PIAS2: variants seen among roughly 807,000 people sequenced by gnomAD.
PIAS2 encodes E3 SUMO-protein ligase PIAS2.
A neutral mutation model predicts 69.7 loss-of-function variants in PIAS2; 19 were observed. The ratio of observed to expected loss-of-function variants is 0.27; its 90% CI spans 0.19 to 0.40. PIAS2 has a LOEUF of 0.40. Among genes scored for constraint, PIAS2 ranks in the 10% least tolerant of loss-of-function variants. The pLI is 1.00. For synonymous variants in PIAS2, 261 were observed against 263.2 expected (o/e 0.99, Z 0.08); for missense variants, 624 against 757.0 (o/e 0.82, Z 2.06).
At position 46,865,754 on chromosome 18, in the gene PIAS2, T is replaced by C. The variant is rs546962574; in HGVS notation, c.500-1506A>G. On this transcript the variant is annotated intron_variant, in intron 2 of 13. Coordinates refer to ENST00000585916, the MANE Select transcript of PIAS2 (RefSeq NM_004671.5). ...ATGTCACAAAATGGTTCATATTTTT[T>C]CAGAACGCTTTAAAAAGGAGGGAAG... Among the ~76,000 whole-genome samples, 60 of 152,312 alleles carry C rather than the reference T, an allele frequency of 3.9e-4. 1 individual carries two copies. Among genetic ancestry groups the C allele is most frequent in the African/African-American group, 1.4e-3 (59 of 41,576 alleles).
intron 2 of PIAS2, among the ~76,000 whole-genome samples, chr18:46,886,272 GAATAATAGAAAGT>G (rs1298421942): frequency 6.6e-6 from 1 of 151,988 alleles, no homozygotes; most frequent in African/African-American, 2.4e-5. Flanking sequence ...ATCTTTCTCA[GAATAATAGAAAGT>G]AATAAATTTG....
intron 1 of PIAS2, among the ~76,000 whole-genome samples, chr18:46,911,547 A>C (rs1033295830): frequency 1.3e-5 from 2 of 152,116 alleles, no homozygotes; most frequent in African/African-American, 4.8e-5. Context: ...TAAGGATCAC[A>C]GGTTTAACAG....
In PIAS2 at chr18:46,908,570, A is replaced by G. The variant is rs1342145945; in HGVS notation, c.24+8752T>C. Among the ~76,000 whole-genome samples the G allele has an allele frequency of 2.0e-5, 3 of 152,306 alleles. No homozygotes were observed. The East Asian group carries it at 5.8e-4, about 29-fold the overall frequency. On this transcript the variant is annotated intron_variant, in intron 1 of 13. Transcript: ENST00000585916. Reference sequence around the variant, plus strand: ...AAAAAAACAAAAACAAAAAACAAAAAAACTACGTCTTATACTTTTACAATA... The same window carrying G: ...AAAAAAACAAAAACAAAAAACAAAAGAACTACGTCTTATACTTTTACAATA...
intron 8 of PIAS2, among the ~76,000 whole-genome samples, chr18:46,839,218 C>A (rs541234031): frequency 1.6e-4 from 25 of 152,158 alleles, no homozygotes; most frequent in African/African-American, 5.8e-4. Flanking sequence ...ACCTATTCAA[C>A]AAAATGCCCA....
At chr18:46,857,427 G>T (rs2048004532) in intron 3 of PIAS2, among the ~76,000 whole-genome samples, 1 of 152,162 alleles carries the variant, frequency 6.6e-6, no homozygotes, top group African/African-American at 2.4e-5. Flanking sequence ...AAAGTTCAAG[G>T]TCATTATCAC....
intron 1 of PIAS2, among the ~76,000 whole-genome samples, chr18:46,899,560 T>C (rs1253981982): frequency 6.6e-6 from 1 of 152,200 alleles, no homozygotes; most frequent in Non-Finnish European, 1.5e-5. Flanking sequence ...CTCAACCTCC[T>C]GAGCTCAAGT....
chr18:46,830,356 C>T (rs193289393), intron 9 of PIAS2, among the ~76,000 whole-genome samples: 8 of 151,754 alleles, frequency 5.3e-5, no homozygotes, highest in African/African-American at 9.7e-5. Context: ...AAATTAAGTC[C>T]GTACCAGAAA....
chr18:46,846,960 A>AAT, intron 5 of PIAS2, 119 bp from the exon 6 acceptor site: 2 of 815,746 alleles, frequency 2.5e-6, no homozygotes, highest in Non-Finnish European at 1.7e-6. Context: ...TTTAGCCTAA[A>AAT]AATCATATAG....
intron 13 of PIAS2, among the ~76,000 whole-genome samples, chr18:46,812,984 G>T (rs898053528): frequency 6.6e-6 from 1 of 151,996 alleles, no homozygotes; most frequent in Admixed American, 6.5e-5. Context: ...AAGAATTGTT[G>T]ATCTTACACC....
At chr18:46,892,854 GCAAT>G (rs2146021756) in intron 1 of PIAS2, among the ~76,000 whole-genome samples, 1 of 151,806 alleles carries the variant, frequency 6.6e-6, no homozygotes, top group Non-Finnish European at 1.5e-5. Context: ...ATCTCAACAT[GCAAT>G]CAATTTTTGT....
chr18:46,818,525 A>G (rs2041816499), intron 12 of PIAS2: 3 of 1,255,804 alleles, frequency 2.4e-6, no homozygotes, highest in South Asian at 2.3e-5. Flanking sequence ...TTATCTCTCC[A>G]TTCTTGGTGT....
chr18:46,812,709 T>G, intron 13 of PIAS2, 97 bp from the exon 14 acceptor site: 1 of 678,018 alleles, frequency 1.5e-6, no homozygotes, highest in Non-Finnish European at 2.5e-6. Flanking sequence ...AATAGTCACA[T>G]ATTTAAATCC....
chr18:46,828,820 T>C (rs1387909776), intron 10 of PIAS2, among the ~76,000 whole-genome samples: 1 of 152,204 alleles, frequency 6.6e-6, no homozygotes, highest in African/African-American at 2.4e-5. Flanking sequence ...TATGTTATTA[T>C]CTGTAATGTA....
intron 3 of PIAS2, among the ~76,000 whole-genome samples, chr18:46,861,290 C>T (rs778331343): frequency 6.6e-6 from 1 of 152,084 alleles, no homozygotes; most frequent in Admixed American, 6.6e-5. Flanking sequence ...GAAAAGGAGA[C>T]AGCTCCTCCT....
chr18:46,908,309 G>A (rs1178270521), intron 1 of PIAS2, among the ~76,000 whole-genome samples: 1 of 152,082 alleles, frequency 6.6e-6, no homozygotes, highest in Non-Finnish European at 1.5e-5. Context: ...GCATCATCTT[G>A]TTTTAGTTAC....
intron 8 of PIAS2, among the ~76,000 whole-genome samples, chr18:46,841,839 G>A (rs1013262677): frequency 6.6e-6 from 1 of 152,154 alleles, no homozygotes; most frequent in Non-Finnish European, 1.5e-5. Flanking sequence ...TAACTGAAAA[G>A]TTAATTTTCT....
intron 8 of PIAS2, among the ~76,000 whole-genome samples, chr18:46,838,496 A>C (rs1387440723): frequency 6.6e-6 from 1 of 152,170 alleles, no homozygotes; most frequent in Non-Finnish European, 1.5e-5. Context: ...CAGAGTTCTA[A>C]AAGGGAGCCT....
At position 46,843,962 on chromosome 18, in the gene PIAS2, A is replaced by G. The variant is rs77040088; in HGVS notation, c.1041+92T>C. On this transcript the variant is annotated intron_variant, in intron 8 of 13. Transcript: ENST00000585916. Reference sequence around the variant, plus strand: ...AAGACAAAAGTTCAGCATTCTTCATAATATATCATTCATTCCCACACTTAC... The same window carrying G: ...AAGACAAAAGTTCAGCATTCTTCATGATATATCATTCATTCCCACACTTAC... 695 of 702,810 alleles carry G rather than the reference A, an allele frequency of 9.9e-4. 8 individuals are homozygous for G. In the East Asian group the frequency reaches 0.018, roughly 18 times the overall value. The allele number at this position is 702,810 out of a possible 1,614,324, so 43.5% of individuals were successfully genotyped here. A position where few individuals can be genotyped will look rare whatever the true frequency, so the allele number is the denominator to read the frequency against.
intron 2 of PIAS2, among the ~76,000 whole-genome samples, chr18:46,868,855 G>A (rs536421021): frequency 6.6e-6 from 1 of 152,252 alleles, no homozygotes; most frequent in African/African-American, 2.4e-5. Flanking sequence ...GCGTCCCCCT[G>A]CCTCACTGTG....
Sources: allele counts gnomAD v4.1 joint callset (sites outside exome capture counted in the v4.1 genomes callset), GRCh38; gene constraint gnomAD v4.1.1; transcripts MANE v1.5; gene names NCBI Gene and HGNC (gene_info 2026-07-23, HGNC 2026-07-21).